Variants in GALNT13 observed in about 807,000 individuals in gnomAD.
The protein encoded by GALNT13 is polypeptide N-acetylgalactosaminyltransferase 13, also known as UDP-GalNAc:polypeptide N-acetylgalactosaminyltransferase 13.
A neutral mutation model predicts 64.2 loss-of-function variants in GALNT13; 28 were observed. That is an observed-to-expected ratio of 0.44 (90% CI 0.32 to 0.60). The LOEUF (loss-of-function observed/expected upper bound fraction) is 0.60, where lower values mean the gene tolerates loss of function less well. GALNT13 is among the 20% of genes least tolerant of loss of function. The pLI is 0.05. For synonymous variants in GALNT13, 214 were observed against 224.6 expected (o/e 0.95, Z 0.42); for missense variants, 577 against 669.8 (o/e 0.86, Z 1.53).
At chr2:153,489,579 A>G in the GALNT13 span, among the ~76,000 whole-genome samples, 1 of 152,282 alleles carries the variant, frequency 6.6e-6, no homozygotes, top group Non-Finnish European at 1.5e-5. Context: ...ATCCAAGGTT[A>G]TATTTCATTG....
At chr2:153,565,956 G>C in the GALNT13 span, among the ~76,000 whole-genome samples, 1 of 152,048 alleles carries the variant, frequency 6.6e-6, no homozygotes, top group Non-Finnish European at 1.5e-5. Context: ...AATGTGTAGT[G>C]AAATAAATAC....
the GALNT13 span, among the ~76,000 whole-genome samples, chr2:153,793,211 A>G: frequency 2.0e-5 from 3 of 151,694 alleles, no homozygotes; most frequent in African/African-American, 7.3e-5. Context: ...TGACCTTGTG[A>G]TCCACCTGTC....
At chr2:154,065,572 T>A (rs1312629901) in intron 3 of GALNT13, among the ~76,000 whole-genome samples, 1 of 152,200 alleles carries the variant, frequency 6.6e-6, no homozygotes, top group Non-Finnish European at 1.5e-5. Context: ...CATCTCTGCC[T>A]GGTAATCCAG....
intron 3 of GALNT13, among the ~76,000 whole-genome samples, chr2:154,057,797 C>T (rs1045158076): frequency 5.9e-5 from 9 of 152,104 alleles, no homozygotes; most frequent in African/African-American, 1.9e-4. Context: ...TGTATCATTA[C>T]GATTTCAGTA....
intron 11 of GALNT13, among the ~76,000 whole-genome samples, chr2:154,422,674 A>AT (rs1415757261): frequency 6.6e-6 from 1 of 152,118 alleles, no homozygotes; most frequent in African/African-American, 2.4e-5. Flanking sequence ...GCAAAATTTG[A>AT]TTTTTTCTTT....
intron 3 of GALNT13, among the ~76,000 whole-genome samples, chr2:154,024,777 T>TA (rs1281754700): frequency 6.6e-6 from 1 of 152,216 alleles, no homozygotes; most frequent in African/African-American, 2.4e-5. Context: ...CTCTGATTTT[T>TA]AGAGTTTCCA....
chr2:153,637,985 G>A, the GALNT13 span, among the ~76,000 whole-genome samples: 6 of 152,276 alleles, frequency 3.9e-5, no homozygotes, highest in African/African-American at 1.4e-4. Context: ...GGATTAAGGT[G>A]AGACGTGGAA....
At chr2:153,988,488 A>G (rs1435603621) in intron 3 of GALNT13, among the ~76,000 whole-genome samples, 1 of 152,010 alleles carries the variant, frequency 6.6e-6, no homozygotes, top group Non-Finnish European at 1.5e-5. Flanking sequence ...CCACATTATA[A>G]AAAATGGTAA....
intron 4 of GALNT13, among the ~76,000 whole-genome samples, chr2:154,187,346 T>C (rs1314323767): frequency 6.9e-6 from 1 of 145,470 alleles, no homozygotes; most frequent in Non-Finnish European, 1.5e-5. Context: ...GTTAAGTGAA[T>C]GAGTAAGAAA....
chr2:154,429,326 G>A (rs1700609323), intron 11 of GALNT13, among the ~76,000 whole-genome samples: 1 of 152,130 alleles, frequency 6.6e-6, no homozygotes, highest in Admixed American at 6.5e-5. Context: ...GAAATTGAAA[G>A]TGTTACTCTA....
At position 154,311,361 on chromosome 2, in the gene GALNT13, G is replaced by A. The variant is rs557840785; in HGVS notation, c.1156+9772G>A. On this transcript the variant is annotated intron_variant, in intron 9 of 12. Transcript: ENST00000392825. The stretch of plus-strand genomic sequence containing the variant: ...AAAGAGAGAAATTTTAAAGCTGGGC[G>A]TCCAGGGGAGATATCACACATAGGT... Among the ~76,000 whole-genome samples, 135 of 152,064 alleles carry A rather than the reference G, an allele frequency of 8.9e-4. 4 individuals are homozygous for A. The highest frequency in any genetic ancestry group is 4.7e-4 in the Non-Finnish European group (32 of 68,026).
At chr2:153,070,549 TG>T in the GALNT13 span, among the ~76,000 whole-genome samples, 1 of 152,316 alleles carries the variant, frequency 6.6e-6, no homozygotes, top group African/African-American at 2.4e-5. Flanking sequence ...TAGGGGAAAT[TG>T]TTTTTGGAGG....
intron 8 of GALNT13, among the ~76,000 whole-genome samples, chr2:154,299,755 GC>G (rs1285074556): frequency 6.6e-6 from 1 of 151,530 alleles, no homozygotes; most frequent in Non-Finnish European, 1.5e-5. Flanking sequence ...GAGCCACCGC[GC>G]CCGGCCTGAA....
At chr2:153,916,924 ATAGC>A (rs1689390576) in intron 2 of GALNT13, among the ~76,000 whole-genome samples, 1 of 152,188 alleles carries the variant, frequency 6.6e-6, no homozygotes, top group African/African-American at 2.4e-5. Flanking sequence ...AAGGTCTATG[ATAGC>A]AGCACTTTAT....
the GALNT13 span, among the ~76,000 whole-genome samples, chr2:153,280,231 A>G: frequency 1.3e-5 from 2 of 151,966 alleles, no homozygotes; most frequent in Non-Finnish European, 2.9e-5. Context: ...TGCTGTTTCT[A>G]ATTGTGCTTA....
chr2:153,635,402 A>ATCTATATATATACACATATATATG, the GALNT13 span, among the ~76,000 whole-genome samples: 1 of 110,570 alleles, frequency 9.0e-6, no homozygotes, highest in Non-Finnish European at 1.9e-5. Flanking sequence ...AAATATGTAT[A>ATCTATATATATACACATATATATG]TATATATATA....
chr2:153,535,949 G>C, the GALNT13 span, among the ~76,000 whole-genome samples: 1 of 152,048 alleles, frequency 6.6e-6, no homozygotes. Flanking sequence ...TTTAGGAAAG[G>C]ACTCTACCTA....
the GALNT13 span, among the ~76,000 whole-genome samples, chr2:153,318,343 T>A: frequency 1.3e-5 from 2 of 152,200 alleles, no homozygotes; most frequent in Admixed American, 1.3e-4. Flanking sequence ...GTCCCATTCC[T>A]CTGTCCATCT....
At chr2:154,404,339 T>C (rs558142053) in intron 10 of GALNT13, among the ~76,000 whole-genome samples, 2 of 152,296 alleles carry the variant, frequency 1.3e-5, no homozygotes, top group East Asian at 3.9e-4. Context: ...TCTCTGAATT[T>C]TCCCATTAAA....
Sources: gnomAD v4.1 joint callset for allele counts (sites outside exome capture counted in the v4.1 genomes callset) on GRCh38, gnomAD v4.1.1 for gene constraint, MANE v1.5 for transcripts, NCBI Gene and HGNC (gene_info 2026-07-23, HGNC 2026-07-21) for gene names.